Variants in KCNQ5 observed in about 807,000 individuals in gnomAD.
KCNQ5 encodes potassium voltage-gated channel subfamily KQT member 5.
KCNQ5 carries 30 observed loss-of-function variants against 98.2 expected under a neutral mutation model. The ratio of observed to expected loss-of-function variants is 0.31; its 90% CI spans 0.23 to 0.41. The LOEUF (loss-of-function observed/expected upper bound fraction) is 0.41. Among genes scored for constraint, KCNQ5 ranks in the 10% least tolerant of loss-of-function variants. The pLI, the probability that KCNQ5 is intolerant of heterozygous loss-of-function variation, is 1.00. For missense variants in KCNQ5, 835 were observed against 1,182.5 expected, an observed-to-expected ratio of 0.71 and a Z score of 4.31; for synonymous variants, 458 against 449.4, an observed-to-expected ratio of 1.02 and a Z score of -0.24.
intron 1 of KCNQ5, among the ~76,000 whole-genome samples, chr6:72,995,523 T>C (rs1466864135): frequency 6.6e-6 from 1 of 152,198 alleles, no homozygotes; most frequent in Non-Finnish European, 1.5e-5. Flanking sequence ...ATAAAATGTC[T>C]TGATTTCAGC....
intron 2 of KCNQ5, among the ~76,000 whole-genome samples, chr6:73,013,624 A>C (rs1450281803): frequency 1.3e-5 from 2 of 152,152 alleles, no homozygotes; most frequent in Non-Finnish European, 2.9e-5. Flanking sequence ...AAATAGCTAA[A>C]TAAGTTGTGC....
Position 72,622,130 on chromosome 6 carries a change from T to A in KCNQ5, c.-60T>A. 2 of 1,188,526 alleles carry A rather than the reference T, an allele frequency of 1.7e-6. No individual in the cohort carries two copies. The highest frequency in any genetic ancestry group is 6.9e-5 in the East Asian group (2 of 28,872). 73.6% of individuals were successfully genotyped at this position (1,188,526 alleles called of 1,614,324 possible). A position where few individuals can be genotyped will look rare whatever the true frequency, so the allele number is the denominator to read the frequency against. On this transcript the variant is annotated 5_prime_UTR_variant, in exon 1 of 14. The change abolishes an upstream ATG in the 5' untranslated region. Coordinates refer to ENST00000370398, the MANE Select transcript of KCNQ5 (RefSeq NM_019842.4). This position sits in a 1 kb window ranked among gnomAD's most constrained non-coding sequence, Gnocchi z 6.0. ...CCTCCTTGAAACCCGCCGGCGCACA[T>A]GAGGCCGCTGCCCCCGCCGCAGGCG... is the stretch of plus-strand genomic sequence containing the variant.
chr6:73,018,539 T>A (rs559357663), intron 2 of KCNQ5, among the ~76,000 whole-genome samples: 1 of 152,262 alleles, frequency 6.6e-6, no homozygotes, highest in South Asian at 2.1e-4. Flanking sequence ...ATTAATTCAT[T>A]TATTCACTCA....
chr6:72,854,153 T>C (rs949216428), intron 1 of KCNQ5, among the ~76,000 whole-genome samples: 7 of 152,158 alleles, frequency 4.6e-5, no homozygotes, highest in African/African-American at 1.4e-4. Context: ...AATGAGTTCT[T>C]CTCTGAAAAT....
chr6:72,668,236 T>C (rs1766926199), intron 1 of KCNQ5, among the ~76,000 whole-genome samples: 1 of 152,174 alleles, frequency 6.6e-6, no homozygotes, highest in Admixed American at 6.5e-5. Context: ...AAAAGTTATT[T>C]CTTAAAAAAG....
chr6:72,997,731 C>A (rs781770396), intron 1 of KCNQ5, among the ~76,000 whole-genome samples: 2 of 138,480 alleles, frequency 1.4e-5, no homozygotes, highest in Admixed American at 8.1e-5. Flanking sequence ...TGCAGTGAGC[C>A]GAGATTGCGT....
intron 1 of KCNQ5, among the ~76,000 whole-genome samples, chr6:72,830,877 C>T (rs963192698): frequency 2.0e-5 from 3 of 151,898 alleles, no homozygotes; most frequent in Admixed American, 2.0e-4. Context: ...AGAACTCAAA[C>T]AAATTTACAA....
At chr6:72,756,048 T>C (rs1213796946) in intron 1 of KCNQ5, among the ~76,000 whole-genome samples, 1 of 152,184 alleles carries the variant, frequency 6.6e-6, no homozygotes, top group African/African-American at 2.4e-5. Context: ...GGCTTCCCTG[T>C]GGGTGGAGTT....
chr6:72,896,939 T>TGTTG (rs572167810), intron 1 of KCNQ5, among the ~76,000 whole-genome samples: 3,394 of 151,306 alleles, frequency 0.022, 119 homozygotes, highest in African/African-American at 0.074. Context: ...TTTGTTTGTT[T>TGTTG]GTTGGTTGGT....
At chr6:72,641,081 G>A (rs1193114726) in intron 1 of KCNQ5, among the ~76,000 whole-genome samples, 2 of 152,024 alleles carry the variant, frequency 1.3e-5, no homozygotes, top group Admixed American at 6.6e-5. Context: ...TTCTGAAGAC[G>A]GTGTTTTTCT....
intron 1 of KCNQ5, among the ~76,000 whole-genome samples, chr6:72,802,525 A>C (rs1455978408): frequency 6.6e-6 from 1 of 152,124 alleles, no homozygotes; most frequent in Non-Finnish European, 1.5e-5. Flanking sequence ...TTTGTCCCTC[A>C]TGTGGGCAAA....
At chr6:72,890,806 A>G (rs1251561001) in intron 1 of KCNQ5, among the ~76,000 whole-genome samples, 1 of 152,244 alleles carries the variant, frequency 6.6e-6, no homozygotes, top group Non-Finnish European at 1.5e-5. Context: ...CAGTAGAAAG[A>G]ATTGTGAACA....
chr6:72,712,326 C>A (rs559509758), intron 1 of KCNQ5, among the ~76,000 whole-genome samples: 1 of 152,102 alleles, frequency 6.6e-6, no homozygotes, highest in African/African-American at 2.4e-5. Flanking sequence ...GTTTAAGAAG[C>A]CAGGGGAAGA....
chr6:73,093,399 A>T (rs903023978), intron 5 of KCNQ5, among the ~76,000 whole-genome samples: 20 of 151,754 alleles, frequency 1.3e-4, no homozygotes, highest in African/African-American at 4.8e-4. Flanking sequence ...TTTGTTTCAA[A>T]TTCATTTGGT....
chr6:72,652,628 A>G lies in KCNQ5; in HGVS notation c.398+30041A>G, dbSNP rs907980388. ...TGTAAGACTTTTTCTGATCCATATC[A>G]CAGCCTTTTTCTCTCCTCACCGTTG... On this transcript the variant is annotated intron_variant, in intron 1 of 13. Transcript: ENST00000370398. 3.3e-5 allele frequency among the ~76,000 whole-genome samples: 5 copies of G among 152,066 alleles called. No homozygotes were observed. The South Asian group carries it at 8.3e-4, about 25-fold the overall frequency.
intron 9 of KCNQ5, chr6:73,129,923 C>A: frequency 1.7e-6 from 2 of 1,166,168 alleles, no homozygotes; most frequent in South Asian, 1.3e-5. Context: ...CAGGTTACAC[C>A]GCCACCCCAC....
intron 10 of KCNQ5, among the ~76,000 whole-genome samples, chr6:73,159,579 T>A (rs1777528013): frequency 6.6e-6 from 1 of 152,238 alleles, no homozygotes; most frequent in Non-Finnish European, 1.5e-5. Context: ...ACCAGCAATG[T>A]CAAAGTGTAC....
intron 1 of KCNQ5, among the ~76,000 whole-genome samples, chr6:72,811,028 A>G (rs1775216599): frequency 6.6e-6 from 1 of 152,212 alleles, no homozygotes; most frequent in African/African-American, 2.4e-5. Flanking sequence ...AAAGGCAGGA[A>G]AATGTCTTCT....
intron 1 of KCNQ5, among the ~76,000 whole-genome samples, chr6:72,840,719 T>C (rs1776751373): frequency 1.3e-5 from 2 of 152,252 alleles, no homozygotes; most frequent in Non-Finnish European, 2.9e-5. Context: ...ATACTGATTT[T>C]ATAGAGAAAA....
Sources: allele counts gnomAD v4.1 joint callset (sites outside exome capture counted in the v4.1 genomes callset), GRCh38; gene constraint gnomAD v4.1.1; non-coding constraint Gnocchi (gnomAD v3.1); transcripts MANE v1.5; gene names NCBI Gene and HGNC (gene_info 2026-07-23, HGNC 2026-07-21).